Variants in SLC47A1 observed in about 807,000 individuals in gnomAD.
SLC47A1 encodes the protein multidrug and toxin extrusion protein 1.
A neutral mutation model predicts 65.8 loss-of-function variants in SLC47A1; 58 were observed. That is an observed-to-expected ratio of 0.88 (90% CI 0.71 to 1.10). SLC47A1 has a LOEUF of 1.10. Among genes scored for constraint, SLC47A1 ranks in the 50% least tolerant of loss-of-function variants. The probability of loss-of-function intolerance (pLI) is 0.00; values close to 1 mark genes in which losing one functional copy is unlikely to be tolerated. For missense variants in SLC47A1, 706 were observed against 719.2 expected, an observed-to-expected ratio of 0.98 and a Z score of 0.21; for synonymous variants, 285 against 295.0, an observed-to-expected ratio of 0.97 and a Z score of 0.35.
At chr17:19,562,392 T>C (rs1448899418) in intron 12 of SLC47A1, among the ~76,000 whole-genome samples, 1 of 151,928 alleles carries the variant, frequency 6.6e-6, no homozygotes, top group Non-Finnish European at 1.5e-5. Context: ...GGAAACCCTG[T>C]CTCTACTAAA....
In SLC47A1 at chr17:19,555,850, C is replaced by A; in HGVS notation, c.794C>A (p.Pro265His). The change falls in exon 9 of 17, where the codon CCC becomes CAC. Residue 265 changes from proline (P) to histidine (H), a missense_variant. Physicochemically the swap from Pro to His is moderately conservative, Grantham distance 77. Coordinates refer to ENST00000270570, the MANE Select transcript of SLC47A1 (RefSeq NM_018242.3). ...DWASFLRLAI[P>H]SMLMLCMEWW... Reference sequence around the variant, plus strand: ...GCCTCCTTCCTCCGCCTGGCCATCCCCAGCATGCTCATGCTGTGCATGGAG... The same window carrying A: ...GCCTCCTTCCTCCGCCTGGCCATCCACAGCATGCTCATGCTGTGCATGGAG... 1 of 1,613,844 alleles carries A rather than the reference C, an allele frequency of 6.2e-7. No homozygotes were observed. Among genetic ancestry groups the A allele is most frequent in the Non-Finnish European group, 8.5e-7 (1 of 1,180,020 alleles).
intron 5 of SLC47A1, among the ~76,000 whole-genome samples, chr17:19,551,001 C>A (rs1916431881): frequency 6.6e-6 from 1 of 152,180 alleles, no homozygotes; most frequent in Non-Finnish European, 1.5e-5. Context: ...ACACCATTTG[C>A]CCTCAGAATT....
intron 7 of SLC47A1, 106 bp from the exon 8 acceptor site, chr17:19,555,487 G>T: frequency 7.4e-7 from 1 of 1,342,954 alleles, no homozygotes; most frequent in South Asian, 1.2e-5. Context: ...GAAGACCTTG[G>T]CCTGCTGAGG....
intron 12 of SLC47A1, among the ~76,000 whole-genome samples, chr17:19,563,281 C>T (rs956022680): frequency 5.9e-5 from 9 of 151,652 alleles, no homozygotes; most frequent in South Asian, 2.1e-4. Flanking sequence ...TACAGGCGCC[C>T]GCCACCACGC....
Position 19,572,858 on chromosome 17 carries a change from C to T in SLC47A1, c.1483C>T (p.Pro495Ser), listed in dbSNP as rs1039034206. Residue 495 changes from proline to serine, a missense_variant, in exon 16 of 17, where the codon CCA becomes TCA. Physicochemically the swap from Pro to Ser is moderately conservative, Grantham distance 74. Transcript: ENST00000270570. ...TGCTCTCCCTCAGGATCCGCTTCAC[C>T]CAGGTAAGATATGACTCCCTCAGCC... is the stretch of plus-strand genomic sequence containing the variant. ...NSALPQDPLH[P>S]GCPENLEGIL... 1.2e-6 allele frequency: 2 copies of T among 1,613,910 alleles called. No homozygotes were observed. The highest frequency in any genetic ancestry group is 1.3e-5 in the African/African-American group (1 of 74,874).
At position 19,566,833 on chromosome 17, in the gene SLC47A1, G is replaced by A. The variant is rs754792168; in HGVS notation, c.1150G>A (p.Val384Ile). ...GGCTCAGGTGGTTCCAATTTATGCT[G>A]TTTCCCACCTCTTTGAAGCTCTTGC... ...LVAQVVPIYA[V>I]SHLFEALACT... The change falls in exon 13 of 17, where the codon GTT becomes ATT. Residue 384 changes from valine (V) to isoleucine (I), a missense_variant. Val to Ile is a conservative substitution (Grantham distance 29). Transcript: ENST00000270570. 6.2e-7 allele frequency: 1 copy of A among 1,614,148 alleles called. No homozygotes were observed. Among genetic ancestry groups the A allele is most frequent in the South Asian group, 1.1e-5 (1 of 91,076 alleles).
chr17:19,562,862 C>T (rs895959878), intron 12 of SLC47A1, among the ~76,000 whole-genome samples: 2 of 152,120 alleles, frequency 1.3e-5, no homozygotes, highest in African/African-American at 2.4e-5. Flanking sequence ...TCAACCCAAC[C>T]TGGTAGAATC....
At chr17:19,557,590 C>T in intron 10 of SLC47A1, 1 of 516,736 alleles carries the variant, frequency 1.9e-6, no homozygotes, top group Non-Finnish European at 3.9e-6. Flanking sequence ...GCGATGCTGC[C>T]CTCCCAGCTG....
At chr17:19,553,598 G>A (rs1473546760) in intron 6 of SLC47A1, among the ~76,000 whole-genome samples, 1 of 148,662 alleles carries the variant, frequency 6.7e-6, no homozygotes, top group African/African-American at 2.5e-5. Context: ...CTAGAGTGCA[G>A]TGACGTGACC....
intron 1 of SLC47A1, among the ~76,000 whole-genome samples, chr17:19,540,530 G>A (rs1916114692): frequency 2.0e-5 from 3 of 152,110 alleles, no homozygotes; most frequent in Admixed American, 2.0e-4. Context: ...GAAACCACAG[G>A]GGACATCTGT....
At chr17:19,553,327 G>A (rs376908939) in intron 6 of SLC47A1, among the ~76,000 whole-genome samples, 64 of 152,136 alleles carry the variant, frequency 4.2e-4, no homozygotes, top group African/African-American at 1.4e-3. Flanking sequence ...ACCTCTTCTC[G>A]TTCTCCCACG....
At chr17:19,567,496 A>G (rs1008811926) in intron 14 of SLC47A1, among the ~76,000 whole-genome samples, 9 of 151,908 alleles carry the variant, frequency 5.9e-5, no homozygotes, top group Admixed American at 1.3e-4. Flanking sequence ...CTTTCTACCA[A>G]CCTCCTATCC....
chr17:19,540,867 CA>C (rs1916127022), intron 1 of SLC47A1, among the ~76,000 whole-genome samples: 1 of 151,714 alleles, frequency 6.6e-6, no homozygotes, highest in African/African-American at 2.4e-5. Context: ...CACACACACA[CA>C]CACACACACC....
intron 12 of SLC47A1, among the ~76,000 whole-genome samples, chr17:19,561,705 A>T (rs1271594734): frequency 6.6e-6 from 1 of 151,732 alleles, no homozygotes; most frequent in Non-Finnish European, 1.5e-5. Context: ...AACATATTAG[A>T]TGTAGGAACT....
rs2084300034 is a variant in SLC47A1, at chr17:19,560,443, C to T, written c.1056C>T (p.Val352=). 1 of 1,614,166 alleles carries T rather than the reference C, an allele frequency of 6.2e-7. No homozygotes were observed. Among genetic ancestry groups the T allele is most frequent in the Non-Finnish European group, 8.5e-7 (1 of 1,180,040 alleles). Residue 352 remains valine, a synonymous_variant, in exon 12 of 17, where the codon GTC becomes GTT. Coordinates refer to ENST00000270570, the MANE Select transcript of SLC47A1 (RefSeq NM_018242.3). ...TGCTCTTTGCTGTAGCCTTCAGTGTCCTGCTGTTAAGCTGTAAGGATCACG... is the reference window on the plus strand; with the variant it reads ...TGCTCTTTGCTGTAGCCTTCAGTGTTCTGCTGTTAAGCTGTAAGGATCACG... The part of the protein sequence containing the change: ...ITVLFAVAFS[V]LLLSCKDHVG...
rs1484004028 is a variant in SLC47A1 at position 19,560,216 on chromosome 17, G to A, written c.950G>A (p.Ser317Asn). The change falls in exon 11 of 17, where the codon AGT becomes AAT. Residue 317 changes from serine to asparagine, a missense_variant. By Grantham distance (46) the Ser-to-Asn change is conservative (BLOSUM62 1). Transcript: ENST00000270570. Reference sequence around the variant, plus strand: ...CCTGCAGGCTTCAGTGTGGCTGCCAGTGTCCGGGTAGGAAACGCTCTGGGT... The same window carrying A: ...CCTGCAGGCTTCAGTGTGGCTGCCAATGTCCGGGTAGGAAACGCTCTGGGT... ...MVPAGFSVAA[S>N]VRVGNALGAG... 1.2e-6 allele frequency: 2 copies of A among 1,613,122 alleles called. No homozygotes were observed. The highest frequency in any genetic ancestry group is 2.7e-5 in the African/African-American group (2 of 74,886).
rs1351328912 is a variant in SLC47A1 at position 19,533,890 on chromosome 17, C to T, written c.-50C>T. ...GCGCGGTACTCACTGCCGGCCTCCG[C>T]GGTACCCACTGCCGGCCTCCGCGCT... On this transcript the variant is annotated 5_prime_UTR_variant, in exon 1 of 17. Transcript: ENST00000270570. 4.9e-6 allele frequency: 7 copies of T among 1,439,052 alleles called. No individual in the cohort carries two copies. Among genetic ancestry groups the T allele is most frequent in the Non-Finnish European group, 6.4e-6 (7 of 1,100,146 alleles). The allele number at this position is 1,439,052 out of a possible 1,614,324, so 89.1% of individuals were successfully genotyped here. A position where few individuals can be genotyped will look rare whatever the true frequency, so the allele number is the denominator to read the frequency against.
intron 6 of SLC47A1, among the ~76,000 whole-genome samples, chr17:19,553,214 GT>G (rs1228884956): frequency 6.6e-6 from 1 of 152,040 alleles, no homozygotes; most frequent in East Asian, 1.9e-4. Context: ...GAGCCAGATG[GT>G]ATCGGGGGAA....
intron 2 of SLC47A1, among the ~76,000 whole-genome samples, chr17:19,543,520 T>TC (rs983721032): frequency 6.6e-6 from 1 of 151,902 alleles, no homozygotes. Flanking sequence ...AGGAACTGAC[T>TC]CCCCCCCATG....
Sources: allele counts gnomAD v4.1 joint callset (sites outside exome capture counted in the v4.1 genomes callset), GRCh38; gene constraint gnomAD v4.1.1; transcripts MANE v1.5; gene names NCBI Gene and HGNC (gene_info 2026-07-23, HGNC 2026-07-21).